The following HDAC9 variants were observed in gnomAD, a reference collection of about 807,000 sequenced individuals.
The protein encoded by HDAC9 is MEF-2 interacting transcription repressor (MITR) protein.
A neutral mutation model predicts 139.4 loss-of-function variants in HDAC9; 41 were observed. That is an observed-to-expected ratio of 0.29 (90% CI 0.23 to 0.38). The LOEUF (loss-of-function observed/expected upper bound fraction) is 0.38. Among genes scored for constraint, HDAC9 ranks in the 10% least tolerant of loss-of-function variants. The probability of loss-of-function intolerance (pLI) is 1.00; values close to 1 mark genes in which losing one functional copy is unlikely to be tolerated. For missense variants in HDAC9, 1,147 were observed against 1,297.0 expected, an observed-to-expected ratio of 0.88 and a Z score of 1.78; for synonymous variants, 517 against 476.2, an observed-to-expected ratio of 1.09 and a Z score of -1.12.
intron 1 of HDAC9, among the ~76,000 whole-genome samples, chr7:18,141,133 C>T (rs891260326): frequency 6.6e-6 from 1 of 152,112 alleles, no homozygotes; most frequent in Non-Finnish European, 1.5e-5. Context: ...TTCTATTGTT[C>T]TGTAATGAGT....
intron 12 of HDAC9, among the ~76,000 whole-genome samples, chr7:18,695,119 T>C (rs1782948186): frequency 6.6e-6 from 1 of 152,192 alleles, no homozygotes; most frequent in African/African-American, 2.4e-5. Context: ...ATCTTGGGAC[T>C]GGATCAAGAT....
intron 1 of HDAC9, among the ~76,000 whole-genome samples, chr7:18,160,048 A>G (rs1787515935): frequency 6.6e-6 from 1 of 152,218 alleles, no homozygotes; most frequent in Non-Finnish European, 1.5e-5. Context: ...TTTTGTGGAA[A>G]TAAGTGGGAG....
chr7:18,520,212 G>A (rs762557564), intron 2 of HDAC9, among the ~76,000 whole-genome samples: 19 of 152,018 alleles, frequency 1.2e-4, no homozygotes, highest in East Asian at 3.9e-4. Context: ...GAGAAACTTC[G>A]TGATATACAT....
intron 1 of HDAC9, among the ~76,000 whole-genome samples, chr7:18,450,890 T>C (rs1156693789): frequency 6.6e-6 from 1 of 152,080 alleles, no homozygotes; most frequent in Non-Finnish European, 1.5e-5. Flanking sequence ...ACATAGAAAA[T>C]GAGGGTGAAA....
chr7:18,818,196 T>G (rs184278415), intron 17 of HDAC9, among the ~76,000 whole-genome samples: 2 of 152,344 alleles, frequency 1.3e-5, no homozygotes, highest in East Asian at 3.9e-4. Flanking sequence ...ATTGATACTT[T>G]CGGACATTTA....
intron 2 of HDAC9, among the ~76,000 whole-genome samples, chr7:18,186,693 T>C (rs1210182749): frequency 6.6e-6 from 1 of 152,224 alleles, no homozygotes; most frequent in East Asian, 1.9e-4. Flanking sequence ...TCAACTTTTC[T>C]GAATCTCAGT....
intron 8 of HDAC9, among the ~76,000 whole-genome samples, chr7:18,640,312 C>T (rs1403023235): frequency 3.9e-5 from 5 of 127,408 alleles, no homozygotes; most frequent in Non-Finnish European, 6.3e-5. Context: ...GGGCCTTGAT[C>T]GCACCACTGC....
At chr7:18,164,726 G>A (rs892871175) in intron 2 of HDAC9, among the ~76,000 whole-genome samples, 2 of 152,168 alleles carry the variant, frequency 1.3e-5, no homozygotes, top group African/African-American at 4.8e-5. Context: ...CATGCATTCA[G>A]TCAAACAATA....
intron 1 of HDAC9, among the ~76,000 whole-genome samples, chr7:18,347,896 G>C (rs1043837131): frequency 3.3e-5 from 5 of 152,078 alleles, no homozygotes; most frequent in Admixed American, 6.6e-5. Flanking sequence ...TTTTTAATCT[G>C]TATCTCAGTG....
chr7:18,437,434 T>A (rs1791308695), intron 1 of HDAC9, among the ~76,000 whole-genome samples: 5 of 152,034 alleles, frequency 3.3e-5, no homozygotes, highest in Admixed American at 3.3e-4. Flanking sequence ...ATCTATACTC[T>A]GTTTTTAAAT....
At chr7:18,898,066 C>A (rs550939252) in intron 22 of HDAC9, among the ~76,000 whole-genome samples, 23 of 151,934 alleles carry the variant, frequency 1.5e-4, no homozygotes, top group African/African-American at 5.3e-4. Flanking sequence ...TAAAGTCATA[C>A]ATGGCAACTG....
chr7:18,570,896 T>C (rs1333637006), intron 2 of HDAC9, among the ~76,000 whole-genome samples: 1 of 152,248 alleles, frequency 6.6e-6, no homozygotes, highest in African/African-American at 2.4e-5. Flanking sequence ...AAAATTATGC[T>C]GTTACTCTTT....
chr7:18,497,159 T>A lies in HDAC9; in HGVS notation c.22+835T>A, dbSNP rs73685110. On this transcript the variant is annotated intron_variant, in intron 2 of 25. Coordinates refer to ENST00000686413, the MANE Select transcript of HDAC9 (RefSeq NM_178425.4). ...TGTAATTATTGCCTTTCATATTTAT[T>A]TCCTATGGCTATTTCCTAAAGCTTT... Among the ~76,000 whole-genome samples, 314 of 152,296 alleles carry A rather than the reference T, an allele frequency of 2.1e-3. 1 individual carries two copies. The highest frequency in any genetic ancestry group is 7.3e-3 in the African/African-American group (305 of 41,582).
rs189492139 is a variant in HDAC9 at position 18,772,999 on chromosome 7, A to G, written c.2214+5844A>G. On this transcript the variant is annotated intron_variant, in intron 16 of 25. Coordinates refer to ENST00000686413, the MANE Select transcript of HDAC9 (RefSeq NM_178425.4). Reference sequence around the variant, plus strand: ...ACACTCCCTACAGAGATACACATGTATACATTACTCTGTGTATGGGACAAA... The same window carrying G: ...ACACTCCCTACAGAGATACACATGTGTACATTACTCTGTGTATGGGACAAA... 3.4e-3 allele frequency among the ~76,000 whole-genome samples: 522 copies of G among 152,216 alleles called. 4 individuals carry two copies. The highest frequency in any genetic ancestry group is 0.012 in the African/African-American group (503 of 41,548).
At chr7:18,340,626 G>A (rs758621148) in intron 1 of HDAC9, among the ~76,000 whole-genome samples, 11 of 151,330 alleles carry the variant, frequency 7.3e-5, no homozygotes, top group Non-Finnish European at 1.2e-4. Flanking sequence ...TGTATATCAC[G>A]GGAATTTTAC....
At chr7:18,940,740 A>G (rs2129314347) in intron 23 of HDAC9, among the ~76,000 whole-genome samples, 1 of 152,268 alleles carries the variant, frequency 6.6e-6, no homozygotes, top group South Asian at 2.1e-4. Flanking sequence ...TTAAGGCCAA[A>G]TTTGCCTACT....
chr7:18,441,966 T>C (rs1791816460), intron 1 of HDAC9, among the ~76,000 whole-genome samples: 1 of 152,104 alleles, frequency 6.6e-6, no homozygotes, highest in South Asian at 2.1e-4. Context: ...GAGACAGGGT[T>C]TCACTGTATT....
intron 2 of HDAC9, among the ~76,000 whole-genome samples, chr7:18,538,267 T>C (rs2128603334): frequency 6.6e-6 from 1 of 152,298 alleles, no homozygotes; most frequent in Admixed American, 6.5e-5. Flanking sequence ...TAGTGACAGG[T>C]CCTGTTTATC....
At chr7:18,740,022 C>G (rs1787299311) in intron 13 of HDAC9, among the ~76,000 whole-genome samples, 1 of 152,230 alleles carries the variant, frequency 6.6e-6, no homozygotes, top group South Asian at 2.1e-4. Context: ...AGTTCCATCT[C>G]AGACTGCTCT....
Sources: allele counts gnomAD v4.1 joint callset (sites outside exome capture counted in the v4.1 genomes callset), GRCh38; gene constraint gnomAD v4.1.1; transcripts MANE v1.5; gene names NCBI Gene and HGNC (gene_info 2026-07-23, HGNC 2026-07-21).